Variants in ADARB2 observed in about 807,000 individuals in gnomAD.
ADARB2 encodes the protein inactive double-stranded RNA-specific editase B2.
In ADARB2, 25 loss-of-function variants were observed where a neutral mutation model predicts 62.2. The ratio of observed to expected loss-of-function variants is 0.40; its 90% CI spans 0.29 to 0.56. The LOEUF (loss-of-function observed/expected upper bound fraction) is 0.56, where lower values mean the gene tolerates loss of function less well. Among genes scored for constraint, ADARB2 ranks in the 20% least tolerant of loss-of-function variants. The pLI is 0.43. For synonymous variants in ADARB2, 572 were observed against 500.8 expected (o/e 1.14, Z -1.90); for missense variants, 1,071 against 1,077.4 (o/e 0.99, Z 0.08).
chr10:1,523,733 T>G (rs1383422484), intron 1 of ADARB2, among the ~76,000 whole-genome samples: 1 of 152,234 alleles, frequency 6.6e-6, no homozygotes, highest in Non-Finnish European at 1.5e-5. Context: ...GGCTTAATTC[T>G]CTCTAAAATC....
chr10:1,547,920 C>G (rs1425239745), intron 1 of ADARB2, among the ~76,000 whole-genome samples: 1 of 152,104 alleles, frequency 6.6e-6, no homozygotes, highest in Non-Finnish European at 1.5e-5. Context: ...CCCTGACAGG[C>G]CTGGGAAGGC....
chr10:1,202,826 G>T (rs570308288), intron 7 of ADARB2, among the ~76,000 whole-genome samples: 1 of 152,334 alleles, frequency 6.6e-6, no homozygotes, highest in African/African-American at 2.4e-5. Flanking sequence ...ATTCCTGGAA[G>T]AGACGCCTCC....
At chr10:1,384,658 C>A (rs1588240149) in intron 1 of ADARB2, among the ~76,000 whole-genome samples, 1 of 152,198 alleles carries the variant, frequency 6.6e-6, no homozygotes, top group East Asian at 1.9e-4. Flanking sequence ...CAACTTCCCA[C>A]CTGGAAGCTC....
chr10:1,264,779 A>G (rs796760455), intron 4 of ADARB2, among the ~76,000 whole-genome samples: 57 of 152,310 alleles, frequency 3.7e-4, no homozygotes, highest in African/African-American at 1.3e-3. Flanking sequence ...CTGTTTTTAC[A>G]AAGTTGAACT....
Position 1,423,220 on chromosome 10 carries a change from T to C in ADARB2, c.101-44060A>G, listed in dbSNP as rs1249723858. ...AAGCTGGAGTCCTGGCCCGGGCCCT[T>C]GTCCCAGCTTCACGCCATTGCTTAC... On this transcript the variant is annotated intron_variant, in intron 1 of 9. Transcript: ENST00000381312. Among the ~76,000 whole-genome samples, 4 of 152,316 alleles carry C rather than the reference T, an allele frequency of 2.6e-5. No individual in the cohort carries two copies. In the South Asian group the frequency reaches 8.3e-4, roughly 32 times the overall value.
rs1479929523 is a variant in ADARB2 at position 1,182,843 on chromosome 10, C to G, written c.*350G>C. On this transcript the variant is annotated 3_prime_UTR_variant, in exon 10 of 10. Transcript: ENST00000381312. The stretch of plus-strand genomic sequence containing the variant: ...GCAGGGGTGGGGTGCAGGGACGGGG[C>G]CTGAGGCTCACTCCTGCCTGGTGTC... The G allele has an allele frequency of 4.4e-6, 1 of 226,704 alleles. No homozygotes were observed. Among genetic ancestry groups the G allele is most frequent in the Non-Finnish European group, 8.7e-6 (1 of 114,804 alleles). 14.0% of individuals were successfully genotyped at this position (226,704 alleles called of 1,614,324 possible).
chr10:1,722,007 TTAAC>T (rs1272740928), intron 1 of ADARB2, among the ~76,000 whole-genome samples: 1 of 152,182 alleles, frequency 6.6e-6, no homozygotes, highest in Non-Finnish European at 1.5e-5. Flanking sequence ...TTTAAAATGT[TTAAC>T]TATCAGAAGT....
intron 1 of ADARB2, among the ~76,000 whole-genome samples, chr10:1,607,684 G>A (rs777702116): frequency 6.6e-6 from 1 of 152,170 alleles, no homozygotes; most frequent in Non-Finnish European, 1.5e-5. Context: ...GACCCTGCCC[G>A]CAGCGACATG....
chr10:1,451,180 CTT>C (rs1831031995), intron 1 of ADARB2, among the ~76,000 whole-genome samples: 1 of 152,238 alleles, frequency 6.6e-6, no homozygotes, highest in African/African-American at 2.4e-5. Context: ...TCAAAAAACA[CTT>C]TTTCTCAGGA....
At chr10:1,260,902 A>C in intron 4 of ADARB2, among the ~76,000 whole-genome samples, 1 of 147,184 alleles carries the variant, frequency 6.8e-6, no homozygotes, top group Middle Eastern at 3.5e-3. Context: ...ACTTCAAACT[A>C]TATTACAAGG....
chr10:1,517,658 T>C (rs1832022097), intron 1 of ADARB2, among the ~76,000 whole-genome samples: 2 of 152,218 alleles, frequency 1.3e-5, no homozygotes, highest in Admixed American at 1.3e-4. Context: ...GTCAGAATAC[T>C]TACACACGCA....
intron 1 of ADARB2, among the ~76,000 whole-genome samples, chr10:1,456,181 T>G (rs780702234): frequency 1.3e-5 from 2 of 152,224 alleles, no homozygotes; most frequent in South Asian, 2.1e-4. Context: ...GGAAAAAGCT[T>G]AGAAAACTTT....
At chr10:1,263,739 G>C (rs1423802863) in intron 4 of ADARB2, among the ~76,000 whole-genome samples, 1 of 152,070 alleles carries the variant, frequency 6.6e-6, no homozygotes, top group Non-Finnish European at 1.5e-5. Flanking sequence ...TTTAACTCAC[G>C]GCCAGGGCTG....
intron 1 of ADARB2, among the ~76,000 whole-genome samples, chr10:1,471,653 A>C (rs997843815): frequency 1.3e-5 from 2 of 152,110 alleles, no homozygotes; most frequent in Admixed American, 1.3e-4. Context: ...TTGGCCTCCC[A>C]AAGTGCTGGG....
intron 3 of ADARB2, among the ~76,000 whole-genome samples, chr10:1,325,703 T>C (rs2651491): frequency 0.43 from 65,333 of 152,048 alleles, 15,763 homozygotes; most frequent in African/African-American, 0.66. Context: ...CCTGAAGTCC[T>C]CCCACATCTT....
chr10:1,240,462 A>T (rs1048505343), intron 5 of ADARB2: 1 of 151,756 alleles, frequency 6.6e-6, no homozygotes, highest in Non-Finnish European at 1.5e-5. Context: ...CTGAGATCAC[A>T]CAGGCAACAG....
At chr10:1,687,515 C>T (rs1415117709) in intron 1 of ADARB2, among the ~76,000 whole-genome samples, 1 of 151,890 alleles carries the variant, frequency 6.6e-6, no homozygotes, top group Non-Finnish European at 1.5e-5. Flanking sequence ...AATTCTCAGA[C>T]TTAAACTTTG....
chr10:1,642,604 TA>T (rs1833991655), intron 1 of ADARB2, among the ~76,000 whole-genome samples: 1 of 152,214 alleles, frequency 6.6e-6, no homozygotes, highest in Non-Finnish European at 1.5e-5. Context: ...AAGAAGGAGC[TA>T]CTAGAGTTGA....
intron 7 of ADARB2, among the ~76,000 whole-genome samples, chr10:1,204,882 T>G (rs1216903573): frequency 1.3e-5 from 2 of 152,274 alleles, no homozygotes; most frequent in East Asian, 3.9e-4. Context: ...CTGTGTTGTG[T>G]TCAAAGGTGG....
Sources: allele counts gnomAD v4.1 joint callset (sites outside exome capture counted in the v4.1 genomes callset), GRCh38; gene constraint gnomAD v4.1.1; transcripts MANE v1.5; gene names NCBI Gene and HGNC (gene_info 2026-07-23, HGNC 2026-07-21).